The following DMXL2 variants were observed in gnomAD, a reference collection of about 807,000 sequenced individuals.
DMXL2 encodes the protein dmX-like protein 2.
In DMXL2, 103 loss-of-function variants were observed where a neutral mutation model predicts 331.1. The ratio of observed to expected loss-of-function variants is 0.31; its 90% confidence interval spans 0.27 to 0.37. The LOEUF (loss-of-function observed/expected upper bound fraction) is 0.37, where lower values mean the gene tolerates loss of function less well. Among genes scored for constraint, DMXL2 ranks in the 10% least tolerant of loss-of-function variants. DMXL2 has a pLI of 1.00. For missense variants in DMXL2, 3,171 were observed against 3,642.9 expected (o/e 0.87, Z 3.33); for synonymous variants, 1,281 against 1,252.1 (o/e 1.02, Z -0.49).
chr15:51,531,958 G>C lies in DMXL2; in HGVS notation c.2436+3705C>G, dbSNP rs945919669. On this transcript the variant is annotated intron_variant, in intron 13 of 43. Transcript: ENST00000560891. ...ATTAGTACAACCATGATAGAGAACAGTATGGAGGTTGCTCACAAAGCTAAA... is the reference window on the plus strand; with the variant it reads ...ATTAGTACAACCATGATAGAGAACACTATGGAGGTTGCTCACAAAGCTAAA... 7.2e-5 allele frequency among the ~76,000 whole-genome samples: 11 copies of C among 152,296 alleles called. No individual in the cohort carries two copies. In the South Asian group the frequency reaches 2.3e-3, roughly 32 times the overall value.
At chr15:51,521,448 TA>T (rs2047365907) in intron 13 of DMXL2, among the ~76,000 whole-genome samples, 1 of 149,768 alleles carries the variant, frequency 6.7e-6, no homozygotes, top group South Asian at 2.1e-4. Context: ...GTAGTAGTAG[TA>T]GTAGTAGTAG....
At chr15:51,542,189 G>A in intron 9 of DMXL2, 144 bp downstream of exon 9, 1 of 757,990 alleles carries the variant, frequency 1.3e-6, no homozygotes, top group South Asian at 2.1e-5. Context: ...TCAAAAAATG[G>A]TACTTTATAT....
intron 24 of DMXL2, 22 bp downstream of exon 24, chr15:51,480,519 TG>T (rs1363750176): frequency 6.7e-7 from 1 of 1,482,054 alleles, no homozygotes; most frequent in East Asian, 2.3e-5. Context: ...TAACCAAGAT[TG>T]AAAAAAAAGT....
chr15:51,490,869 T>A (rs2042744993), intron 20 of DMXL2, among the ~76,000 whole-genome samples: 1 of 152,226 alleles, frequency 6.6e-6, no homozygotes, highest in Admixed American at 6.5e-5. Flanking sequence ...ATTTCAAGTG[T>A]GCAAAGAACG....
chr15:51,522,656 A>T (rs1444122562), intron 13 of DMXL2, among the ~76,000 whole-genome samples: 7 of 152,214 alleles, frequency 4.6e-5, no homozygotes, highest in Non-Finnish European at 1.0e-4. Context: ...AAAAAATAAA[A>T]ACATAAAATA....
At position 51,464,693 on chromosome 15, in the gene DMXL2, G is replaced by C; in HGVS notation, c.7790C>G (p.Pro2597Arg). The change falls in exon 32 of 44, where the codon CCT (proline) becomes CGT (arginine). Residue 2597 changes from proline (P) to arginine (R), a missense_variant. Coordinates refer to ENST00000560891, the MANE Select transcript of DMXL2 (RefSeq NM_001378457.1). The part of the protein sequence containing the change: ...AILRNKAMLE[P>R]ENTPFKSRDS... The stretch of plus-strand genomic sequence containing the variant: ...TTCTTACTTGAATGGGGTATTTTCA[G>C]GTTCTAGCATTGCTTTATTTCGAAG... The C allele has an allele frequency of 6.2e-7, 1 of 1,613,930 alleles. No homozygotes were observed. The highest frequency in any genetic ancestry group is 8.5e-7 in the Non-Finnish European group (1 of 1,179,904).
In DMXL2 at chr15:51,525,118, C is replaced by T. The variant is rs148223628; in HGVS notation, c.2437-7951G>A. ...AGGCTCCCTTTCCAGGCCCTATTTC[C>T]CACACGACATTTGTAGACACACCCT... On this transcript the variant is annotated intron_variant, in intron 13 of 43. Transcript: ENST00000560891. Among the ~76,000 whole-genome samples the T allele has an allele frequency of 1.0e-3, 156 of 151,942 alleles. 2 individuals are homozygous for T. In the East Asian group the frequency reaches 0.029, roughly 28 times the overall value.
chr15:51,481,817 G>A (rs896731047), intron 23 of DMXL2, among the ~76,000 whole-genome samples, 194 bp from the exon 24 acceptor site: 6 of 152,190 alleles, frequency 3.9e-5, no homozygotes, highest in Non-Finnish European at 2.9e-5. Flanking sequence ...ATGCTACGGA[G>A]TGATTCCCAT....
At position 51,457,448 on chromosome 15, in the gene DMXL2, A is replaced by G; in HGVS notation, c.8217T>C (p.Tyr2739=). 1.2e-6 allele frequency: 2 copies of G among 1,614,214 alleles called. No homozygotes were observed. The highest frequency in any genetic ancestry group is 1.7e-6 in the Non-Finnish European group (2 of 1,180,020). ...GATAAAGAGTTGTAGTGGAACCACG[A>G]TAATCAACATCATCTGAACTGTGAA... The part of the protein sequence containing the change: ...RESKSSDDVD[Y]RGSTTTLYQP... The change falls in exon 37 of 44, where the codon TAT becomes TAC. Residue 2739 remains tyrosine, a synonymous_variant. Coordinates refer to ENST00000560891, the MANE Select transcript of DMXL2 (RefSeq NM_001378457.1).
At chr15:51,478,235 G>T in intron 26 of DMXL2, 36 bp downstream of exon 26, 2 of 1,518,914 alleles carry the variant, frequency 1.3e-6, no homozygotes, top group Non-Finnish European at 9.0e-7. Flanking sequence ...TAATGTTTTT[G>T]CTGTATTAAT....
intron 2 of DMXL2, among the ~76,000 whole-genome samples, chr15:51,571,599 C>T (rs989082785): frequency 4.6e-5 from 7 of 152,134 alleles, no homozygotes; most frequent in African/African-American, 7.2e-5. Context: ...CAGACCACAG[C>T]GCAATCATAT....
chr15:51,466,877 G>C (rs1672298251), intron 29 of DMXL2, among the ~76,000 whole-genome samples: 1 of 151,482 alleles, frequency 6.6e-6, no homozygotes, highest in African/African-American at 2.4e-5. Flanking sequence ...ATTAGCTGGG[G>C]AATTTTTTTT....
rs139139263 is a variant in DMXL2, at chr15:51,448,998, G to A, written c.9163C>T (p.Leu3055Phe). The change falls in exon 44 of 44, where the codon CTT becomes TTT. Residue 3055 changes from leucine (L) to phenylalanine (F), a missense_variant. Physicochemically the swap from Leu to Phe is conservative, Grantham distance 22 (BLOSUM62 0). Coordinates refer to ENST00000560891, the MANE Select transcript of DMXL2 (RefSeq NM_001378457.1). ...AACCCCAATCTTTATAGAATGTCAAGAATTCTGTTAGGGATGTTAAAAGCA... is the reference window on the plus strand; with the variant it reads ...AACCCCAATCTTTATAGAATGTCAAAAATTCTGTTAGGGATGTTAAAAGCA... ...PNAFNIPNRI[L>F]DIL 402 of 1,613,912 alleles carry A rather than the reference G, an allele frequency of 2.5e-4. No homozygotes were observed. Among genetic ancestry groups the A allele is most frequent in the Non-Finnish European group, 3.3e-4 (387 of 1,179,996 alleles).
chr15:51,473,433 A>C lies in DMXL2; in HGVS notation c.7213+911T>G, dbSNP rs185778673. On this transcript the variant is annotated intron_variant, in intron 28 of 43. Coordinates refer to ENST00000560891, the MANE Select transcript of DMXL2 (RefSeq NM_001378457.1). Reference sequence around the variant, plus strand: ...AAACAATTTTGGAGAAAAACTTTTAAGTTTAAAGTGGACTATAACCAAGCA... The same window carrying C: ...AAACAATTTTGGAGAAAAACTTTTACGTTTAAAGTGGACTATAACCAAGCA... 1.0e-3 allele frequency among the ~76,000 whole-genome samples: 152 copies of C among 152,342 alleles called. 1 individual carries two copies. In the Middle Eastern group the frequency reaches 0.034, roughly 34 times the overall value.
chr15:51,607,768 A>G (rs1415778962), intron 1 of DMXL2, among the ~76,000 whole-genome samples: 1 of 152,248 alleles, frequency 6.6e-6, no homozygotes. Context: ...CCAACAGTAA[A>G]TTAGCAGTTT....
intron 1 of DMXL2, among the ~76,000 whole-genome samples, chr15:51,590,929 T>C (rs565218476): frequency 3.3e-5 from 5 of 152,060 alleles, no homozygotes; most frequent in Non-Finnish European, 7.4e-5. Context: ...GAGATTCTCA[T>C]TAAAAATAGC....
intron 1 of DMXL2, among the ~76,000 whole-genome samples, chr15:51,587,063 G>A (rs17609812): frequency 0.48 from 72,391 of 151,434 alleles, 17,644 homozygotes; most frequent in Non-Finnish European, 0.52. Flanking sequence ...TCACCTTTTA[G>A]CCTCAAATTT....
chr15:51,619,241 T>C (rs914971249), intron 1 of DMXL2, among the ~76,000 whole-genome samples: 10 of 152,184 alleles, frequency 6.6e-5, no homozygotes, highest in Non-Finnish European at 1.5e-4. Context: ...CGGGAGAAGA[T>C]CATCTCTTTG....
chr15:51,596,134 A>G (rs1045590332), intron 1 of DMXL2, among the ~76,000 whole-genome samples: 3 of 152,190 alleles, frequency 2.0e-5, no homozygotes, highest in African/African-American at 7.2e-5. Flanking sequence ...TGAACAGGCA[A>G]CCTACAGAAT....
Sources: gnomAD v4.1 joint callset for allele counts (sites outside exome capture counted in the v4.1 genomes callset) on GRCh38, gnomAD v4.1.1 for gene constraint, MANE v1.5 for transcripts, NCBI Gene and HGNC (gene_info 2026-07-23, HGNC 2026-07-21) for gene names.